The following HK1 variants were observed in gnomAD, a reference collection of about 807,000 sequenced individuals.
The protein encoded by HK1 is hexokinase 1.
In HK1, 28 loss-of-function variants were observed where a neutral mutation model predicts 91.6. That is an observed-to-expected ratio of 0.31 (90% CI 0.23 to 0.42). HK1 has a LOEUF of 0.42. Ranked by LOEUF, HK1 falls within the 10% of genes least tolerant of loss-of-function variation. The pLI is 1.00. For missense variants in HK1, 770 were observed against 1,219.8 expected (o/e 0.63, Z 5.49); for synonymous variants, 430 against 468.1 (o/e 0.92, Z 1.05).
chr10:69,311,887 G>C (rs1253585577), upstream of HK1, among the ~76,000 whole-genome samples: 3 of 152,062 alleles, frequency 2.0e-5, no homozygotes, highest in Admixed American at 6.6e-5. Context: ...CGCCTGCCTC[G>C]GCCTCCCAAA....
chr10:69,394,534 C>T (rs1285359660), intron 15 of HK1, among the ~76,000 whole-genome samples: 1 of 152,114 alleles, frequency 6.6e-6, no homozygotes, highest in Non-Finnish European at 1.5e-5. Context: ...CCTCTTGGGG[C>T]TGTCACTACA....
intron 3 of HK1, among the ~76,000 whole-genome samples, chr10:69,290,096 C>G (rs1431132675): frequency 6.6e-6 from 1 of 152,138 alleles, no homozygotes; most frequent in South Asian, 2.1e-4. Flanking sequence ...CCCCGCCCCC[C>G]ACCAACAGAA....
At chr10:69,297,446 T>G (rs999747945) in intron 4 of HK1, among the ~76,000 whole-genome samples, 1 of 152,148 alleles carries the variant, frequency 6.6e-6, no homozygotes, top group African/African-American at 2.4e-5. Context: ...GTCAACTGTA[T>G]TACAATTCCA....
intron 4 of HK1, among the ~76,000 whole-genome samples, chr10:69,365,941 C>T (rs1317512342): frequency 6.6e-6 from 1 of 152,136 alleles, no homozygotes; most frequent in East Asian, 1.9e-4. Context: ...AAGCAATTCT[C>T]CTGCCTTAGC....
Position 69,295,692 on chromosome 10 carries a change from AT to A in HK1, c.-67+23del, listed in dbSNP as rs111682217. On this transcript the variant is annotated intron_variant, in intron 4 of 21. Transcript: ENST00000360289. ...TTGCTGAAAGTGAGGTAAGAAAGCTATTTTTTTTTTTATTTCCTTCTGTAAC... is the reference window on the plus strand; with the variant it reads ...TTGCTGAAAGTGAGGTAAGAAAGCTATTTTTTTTTTATTTCCTTCTGTAAC... 6.1e-3 allele frequency: 8,724 copies of A among 1,422,050 alleles called. 11 individuals carry two copies. The highest frequency in any genetic ancestry group is 7.3e-3 in the Non-Finnish European group (7,471 of 1,026,558). The allele number at this position is 1,422,050 out of a possible 1,614,324, so 88.1% of individuals were successfully genotyped here.
chr10:69,311,927 G>T (rs116044328), upstream of HK1, among the ~76,000 whole-genome samples: 1 of 152,104 alleles, frequency 6.6e-6, no homozygotes, highest in African/African-American at 2.4e-5. Context: ...GAGCCACCGC[G>T]CTCGGCCCAA....
rs115338314 is a variant in HK1, at chr10:69,376,141, G to T, written c.876-793G>T. ...GGGGAGTGGCTGCCTTTCCCTCGGA[G>T]AAGCTGTTTACCCTTTCTGAGCTGG... is the stretch of plus-strand genomic sequence containing the variant. On this transcript the variant is annotated intron_variant, in intron 7 of 17. Coordinates refer to ENST00000359426, the MANE Select transcript of HK1 (RefSeq NM_000188.3). Among the ~76,000 whole-genome samples the T allele has an allele frequency of 3.2e-3, 484 of 152,300 alleles. 1 individual carries two copies. Among genetic ancestry groups the T allele is most frequent in the Middle Eastern group, 0.014 (4 of 294 alleles).
rs371769247 is a variant in HK1, at chr10:69,384,544, G to A, written c.1719+63G>A. The A allele has an allele frequency of 1.7e-3, 2,710 of 1,604,602 alleles. 27 individuals carry two copies. The highest frequency in any genetic ancestry group is 0.012 in the South Asian group (1,083 of 90,848). On this transcript the variant is annotated intron_variant, in intron 11 of 17. Transcript: ENST00000359426. ...CACGGCCAGTGGCACCGGCAGTCAC[G>A]TGATGACCAAAATCCGCCACGGGGT...
In HK1 at chr10:69,380,790, G is replaced by C. The variant is rs1287247975; in HGVS notation, c.1265+695G>C. On this transcript the variant is annotated intron_variant, in intron 9 of 17. Transcript: ENST00000359426. The surrounding 1 kb of genome is among the most constrained non-coding windows in gnomAD (Gnocchi z 4.0). Reference sequence around the variant, plus strand: ...TTAGTTTTAGAAGCCATGTTGTCCTGTGAGAACGTGGCTTATACTTTTTTT... The same window carrying C: ...TTAGTTTTAGAAGCCATGTTGTCCTCTGAGAACGTGGCTTATACTTTTTTT... Among the ~76,000 whole-genome samples the C allele has an allele frequency of 6.6e-6, 1 of 152,208 alleles. No homozygotes were observed. Among genetic ancestry groups the C allele is most frequent in the Admixed American group, 6.5e-5 (1 of 15,284 alleles).
rs182278657 is a variant in HK1 at position 69,308,474 on chromosome 10, G to A, written c.27+7613G>A. On this transcript the variant is annotated intron_variant, in intron 5 of 21. Transcript: ENST00000360289. The stretch of plus-strand genomic sequence containing the variant: ...GTCATGATTGACTGAGCAAGCAGGG[G>A]GTATGTGACTGGGGGCTGCAGGCAC... Among the ~76,000 whole-genome samples the A allele has an allele frequency of 3.3e-5, 5 of 152,086 alleles. No homozygotes were observed. The South Asian group carries it at 1.0e-3, about 31-fold the overall frequency.
intron 9 of HK1, among the ~76,000 whole-genome samples, chr10:69,381,081 T>C (rs1839363648): frequency 6.6e-6 from 1 of 152,100 alleles, no homozygotes; most frequent in African/African-American, 2.4e-5. Context: ...GGCAGGTGGA[T>C]TGCTTGAGCC....
rs199786869 is a variant in HK1 at position 69,275,387 on chromosome 10, T to TAA, written c.-391+5279_-391+5280insAA. Among the ~76,000 whole-genome samples, 60 of 146,828 alleles carry TAA rather than the reference T, an allele frequency of 4.1e-4. 1 individual carries two copies. The Middle Eastern group carries it at 0.025, about 61-fold the overall frequency. On this transcript the variant is annotated intron_variant, in intron 1 of 21. Transcript: ENST00000360289. ...TTAAAAAATACATAAAAAATAAAAT[T>TAA]TAAAAAAAAAACAACTTAAATTTGT...
At chr10:69,301,626 T>C (rs1012623581) in intron 5 of HK1, among the ~76,000 whole-genome samples, 2 of 138,598 alleles carry the variant, frequency 1.4e-5, no homozygotes, top group Non-Finnish European at 3.2e-5. Flanking sequence ...TATAATAGCA[T>C]CAAAAAGAAC....
chr10:69,342,580 G>C (rs1848346488), intron 1 of HK1, among the ~76,000 whole-genome samples: 2 of 152,174 alleles, frequency 1.3e-5, no homozygotes, highest in Admixed American at 1.3e-4. Context: ...ACCTGCAGAG[G>C]GTAGGTGCCT....
chr10:69,366,955 G>A (rs911800311), intron 4 of HK1, among the ~76,000 whole-genome samples: 2 of 152,194 alleles, frequency 1.3e-5, no homozygotes, highest in Admixed American at 6.5e-5. Flanking sequence ...GGAGAGAATG[G>A]CCAGAGTGTA....
At position 69,384,885 on chromosome 10, in the gene HK1, A is replaced by G. The variant is rs1839559817; in HGVS notation, c.1809A>G (p.Ser603=). Residue 603 remains serine (S), a synonymous_variant, in exon 12 of 18, where the codon TCA becomes TCG. Transcript: ENST00000359426. ...GPRMPLGFTF[S]FPCQQTSLDA... The stretch of plus-strand genomic sequence containing the variant: ...GGATGCCTCTGGGCTTCACGTTCTC[A>G]TTTCCCTGCCAGCAGACGAGTCTGG... The G allele has an allele frequency of 6.2e-7, 1 of 1,614,002 alleles. No homozygotes were observed. Among genetic ancestry groups the G allele is most frequent in the East Asian group, 2.2e-5 (1 of 44,862 alleles).
intron 14 of HK1, 36 bp downstream of exon 14, chr10:69,389,332 G>T: frequency 6.7e-7 from 1 of 1,494,730 alleles, no homozygotes; most frequent in Non-Finnish European, 9.2e-7. Context: ...CCTGCAGAAG[G>T]GAAGGCTGGG....
chr10:69,383,185 GA>G (rs374245716), intron 10 of HK1, among the ~76,000 whole-genome samples: 156 of 152,228 alleles, frequency 1.0e-3, no homozygotes, highest in African/African-American at 3.5e-3. Context: ...AAAATTAAAT[GA>G]ATAAAAAAGA....
At chr10:69,337,262 G>A (rs1214061798) in intron 1 of HK1, among the ~76,000 whole-genome samples, 8 of 152,142 alleles carry the variant, frequency 5.3e-5, no homozygotes, top group Admixed American at 3.3e-4. Context: ...GGGAGGTTAC[G>A]AGCCCTGGAA....
Sources: gnomAD v4.1 joint callset for allele counts (sites outside exome capture counted in the v4.1 genomes callset) on GRCh38, gnomAD v4.1.1 for gene constraint, Gnocchi (gnomAD v3.1) non-coding constraint, MANE v1.5 for transcripts, NCBI Gene and HGNC (gene_info 2026-07-23, HGNC 2026-07-21) for gene names.